THSD7B: variants seen among roughly 807,000 people sequenced by gnomAD.
THSD7B encodes thrombospondin type-1 domain-containing protein 7B.
Under a neutral mutation model 213.6 loss-of-function variants are expected in THSD7B, and 138 were observed. The observed-to-expected ratio is 0.65, with a 90% CI of 0.56 to 0.74. The LOEUF (loss-of-function observed/expected upper bound fraction) is 0.74. Ranked by LOEUF, THSD7B falls within the 30% of genes least tolerant of loss-of-function variation. The pLI, the probability that THSD7B is intolerant of heterozygous loss-of-function variation, is 0.00. For synonymous variants in THSD7B, 742 were observed against 687.0 expected (o/e 1.08, Z -1.25); for missense variants, 1,931 against 1,991.5 (o/e 0.97, Z 0.58).
chr2:137,436,762 C>A (rs1230257588), intron 14 of THSD7B, among the ~76,000 whole-genome samples: 1 of 152,068 alleles, frequency 6.6e-6, no homozygotes, highest in Non-Finnish European at 1.5e-5. Flanking sequence ...AAAAATTATA[C>A]CAAAATGTTA....
chr2:137,320,697 G>T (rs770591241), intron 12 of THSD7B, among the ~76,000 whole-genome samples: 2 of 152,214 alleles, frequency 1.3e-5, no homozygotes, highest in African/African-American at 2.4e-5. Flanking sequence ...TCTAAAAAGT[G>T]CTTACAAAGG....
At chr2:136,955,320 G>T (rs1685106130) in intron 2 of THSD7B, among the ~76,000 whole-genome samples, 1 of 152,220 alleles carries the variant, frequency 6.6e-6, no homozygotes, top group Non-Finnish European at 1.5e-5. Context: ...GCAAGTTTCA[G>T]CCCATAACAT....
chr2:137,002,840 T>G (rs993317229), intron 2 of THSD7B, among the ~76,000 whole-genome samples: 7 of 152,212 alleles, frequency 4.6e-5, no homozygotes, highest in African/African-American at 1.7e-4. Flanking sequence ...ATTCTCCATT[T>G]TATGCACAGA....
chr2:136,791,556 C>G (rs912566886), intron 1 of THSD7B, among the ~76,000 whole-genome samples: 2 of 151,774 alleles, frequency 1.3e-5, no homozygotes, highest in African/African-American at 4.8e-5. Flanking sequence ...TCCCCCGCCC[C>G]CCATCCGAGG....
intron 17 of THSD7B, among the ~76,000 whole-genome samples, chr2:137,573,205 A>G (rs1681393494): frequency 6.6e-6 from 1 of 152,110 alleles, no homozygotes; most frequent in South Asian, 2.1e-4. Context: ...ATAAATTCTG[A>G]TGTTTTATAC....
At chr2:137,034,294 C>T (rs1045337021) in intron 2 of THSD7B, among the ~76,000 whole-genome samples, 5 of 152,036 alleles carry the variant, frequency 3.3e-5, no homozygotes, top group East Asian at 1.9e-4. Context: ...TTAGTAGAGA[C>T]GGGGTTTCAC....
intron 2 of THSD7B, among the ~76,000 whole-genome samples, chr2:137,053,000 G>T (rs1187878783): frequency 1.3e-5 from 2 of 152,050 alleles, no homozygotes; most frequent in Non-Finnish European, 2.9e-5. Flanking sequence ...TTTAATATAA[G>T]GAGGAACTAT....
chr2:137,333,362 A>G (rs1684557893), intron 12 of THSD7B, among the ~76,000 whole-genome samples: 1 of 152,208 alleles, frequency 6.6e-6, no homozygotes, highest in South Asian at 2.1e-4. Flanking sequence ...TTGCTTGCCT[A>G]AAATCTTTCA....
rs1687638837 is a variant in THSD7B, at chr2:137,450,981, C to A, written c.3096C>A (p.Tyr1032Ter). ...CCAAATGGCTAAAAGAAAAACCTTACAATGGAGGACGACCATGTCCCAAAC... is the reference window on the plus strand; with the variant it reads ...CCAAATGGCTAAAAGAAAAACCTTAAAATGGAGGACGACCATGTCCCAAAC... ...IRSKWLKEKP[Y>*]NGGRPCPKLD... The change falls in exon 15 of 28, where the codon TAC (tyrosine) becomes TAA (stop). Residue 1032 changes from tyrosine (Y) to a stop codon, truncating the protein, a stop_gained. Coordinates refer to ENST00000409968, the MANE Select transcript of THSD7B (RefSeq NM_001316349.2). LOFTEE classifies it high-confidence loss of function. The A allele has an allele frequency of 1.2e-6, 2 of 1,609,390 alleles. No individual in the cohort carries two copies. The highest frequency in any genetic ancestry group is 1.3e-5 in the African/African-American group (1 of 74,824).
intron 7 of THSD7B, among the ~76,000 whole-genome samples, chr2:137,200,907 G>A (rs764861381): frequency 1.1e-4 from 17 of 148,708 alleles, no homozygotes; most frequent in Non-Finnish European, 1.6e-4. Context: ...GGCCTCAAGC[G>A]ATCCTACTGC....
intron 15 of THSD7B, among the ~76,000 whole-genome samples, chr2:137,475,709 T>G (rs899800544): frequency 6.6e-6 from 1 of 152,170 alleles, no homozygotes. Context: ...TTTTCCTTAT[T>G]GATAATCTGT....
intron 2 of THSD7B, among the ~76,000 whole-genome samples, chr2:137,035,751 G>A (rs1200186743): frequency 1.3e-5 from 2 of 151,958 alleles, no homozygotes; most frequent in Non-Finnish European, 2.9e-5. Context: ...TGCCTCTGAG[G>A]GATATTAGAA....
chr2:137,074,107 G>T (rs535609194), intron 3 of THSD7B, among the ~76,000 whole-genome samples: 13 of 150,812 alleles, frequency 8.6e-5, no homozygotes, highest in African/African-American at 3.0e-4. Context: ...AGGTCCGCTT[G>T]GTACAGAGCT....
At chr2:137,327,950 T>C (rs13425364) in intron 12 of THSD7B, among the ~76,000 whole-genome samples, 6,909 of 152,264 alleles carry the variant, frequency 0.045, 485 homozygotes, top group African/African-American at 0.15. Flanking sequence ...GACATTTTTT[T>C]CGCAGCTGGA....
In THSD7B at chr2:137,572,398, C is replaced by T. The variant is rs762174610; in HGVS notation, c.3273-8C>T. Reference sequence around the variant, plus strand: ...ATAATCAAACTATCTTGTGACCTTGCTTTACAGATGTGTGAATACTGCGGA... The same window carrying T: ...ATAATCAAACTATCTTGTGACCTTGTTTTACAGATGTGTGAATACTGCGGA... On this transcript the variant is annotated splice_region_variant and splice_polypyrimidine_tract_variant and intron_variant, in intron 16 of 27. Coordinates refer to ENST00000409968, the MANE Select transcript of THSD7B (RefSeq NM_001316349.2). 1 of 1,613,570 alleles carries T rather than the reference C, an allele frequency of 6.2e-7. No individual in the cohort carries two copies. The highest frequency in any genetic ancestry group is 1.1e-5 in the South Asian group (1 of 91,036).
At chr2:137,642,457 T>C (rs759155303) in intron 20 of THSD7B, 31 bp from the exon 21 acceptor site, 3 of 1,610,956 alleles carry the variant, frequency 1.9e-6, no homozygotes, top group Admixed American at 1.7e-5. Context: ...CCAAACTAAC[T>C]GAAAAGCTGA....
Position 137,547,689 on chromosome 2 carries a change from T to A in THSD7B, c.3139-15532T>A, listed in dbSNP as rs1459067237. On this transcript the variant is annotated intron_variant, in intron 15 of 27. Transcript: ENST00000409968. ...TGCAAGTTGTATGTTTTTCCTTTTT[T>A]TAAAATCAGACTTTCTAGATAGAAT... Among the ~76,000 whole-genome samples the A allele has an allele frequency of 2.0e-5, 3 of 152,006 alleles. No homozygotes were observed. In the East Asian group the frequency reaches 5.8e-4, roughly 29 times the overall value.
At chr2:137,304,135 C>T (rs776588649) in intron 12 of THSD7B, among the ~76,000 whole-genome samples, 37 of 152,140 alleles carry the variant, frequency 2.4e-4, no homozygotes, top group Admixed American at 9.8e-4. Flanking sequence ...AGGACATGAG[C>T]TCATCCTTTT....
At chr2:137,144,378 A>G (rs1679650085) in intron 5 of THSD7B, among the ~76,000 whole-genome samples, 1 of 152,080 alleles carries the variant, frequency 6.6e-6, no homozygotes, top group African/African-American at 2.4e-5. Context: ...AATTCATATA[A>G]CCACACTAAT....
Sources: gnomAD v4.1 joint callset for allele counts (sites outside exome capture counted in the v4.1 genomes callset) on GRCh38, gnomAD v4.1.1 for gene constraint, MANE v1.5 for transcripts, NCBI Gene and HGNC (gene_info 2026-07-23, HGNC 2026-07-21) for gene names.